Variants in KCNB2 observed in about 807,000 individuals in gnomAD.
KCNB2 encodes the protein delayed rectifier potassium channel protein.
Under a neutral mutation model 61.5 loss-of-function variants are expected in KCNB2, and 15 were observed. That is an observed-to-expected ratio of 0.24 (90% CI 0.16 to 0.38). The LOEUF is 0.38. KCNB2 is among the 10% of genes least tolerant of loss of function. The pLI, the probability that KCNB2 is intolerant of heterozygous loss-of-function variation, is 1.00. For missense variants in KCNB2, 828 were observed against 1,125.2 expected (o/e 0.74, Z 3.78); for synonymous variants, 457 against 446.0 (o/e 1.02, Z -0.31).
chr8:72,779,412 TG>T (rs763795781), intron 2 of KCNB2, among the ~76,000 whole-genome samples: 5 of 152,192 alleles, frequency 3.3e-5, no homozygotes, highest in Non-Finnish European at 7.3e-5. Flanking sequence ...TTGGGCAGAA[TG>T]TCCAGGCAGG....
At chr8:72,645,716 A>G (rs1563547717) in intron 2 of KCNB2, among the ~76,000 whole-genome samples, 1 of 152,154 alleles carries the variant, frequency 6.6e-6, no homozygotes, top group East Asian at 1.9e-4. Flanking sequence ...GCTTTTTTCC[A>G]GTCTTTAAGT....
At chr8:72,696,601 T>C (rs1055890010) in intron 2 of KCNB2, among the ~76,000 whole-genome samples, 4 of 152,092 alleles carry the variant, frequency 2.6e-5, no homozygotes, top group African/African-American at 9.7e-5. Context: ...AAAGGTATAG[T>C]GGAAGAACCC....
chr8:72,884,783 A>G (rs1373916115), intron 2 of KCNB2, among the ~76,000 whole-genome samples: 1 of 152,136 alleles, frequency 6.6e-6, no homozygotes, highest in Admixed American at 6.6e-5. Flanking sequence ...TTTTTAATCT[A>G]TCCCACACCA....
intron 2 of KCNB2, among the ~76,000 whole-genome samples, chr8:72,600,635 C>T (rs1807283116): frequency 6.6e-6 from 1 of 151,432 alleles, no homozygotes; most frequent in African/African-American, 2.4e-5. Context: ...GGTATGTATA[C>T]ACCATGGAAT....
chr8:72,582,322 G>T (rs866577981), intron 2 of KCNB2, among the ~76,000 whole-genome samples: 3 of 152,202 alleles, frequency 2.0e-5, no homozygotes, highest in Admixed American at 6.5e-5. Context: ...GCATTGGAAG[G>T]CATCCCATTT....
chr8:72,852,019 G>T (rs1299008116), intron 2 of KCNB2, among the ~76,000 whole-genome samples: 1 of 151,792 alleles, frequency 6.6e-6, no homozygotes, highest in Non-Finnish European at 1.5e-5. Context: ...GTGATCACTT[G>T]AGCCCAGGAA....
intron 2 of KCNB2, among the ~76,000 whole-genome samples, chr8:72,574,346 C>G (rs1563527438): frequency 6.6e-6 from 1 of 152,192 alleles, no homozygotes; most frequent in Non-Finnish European, 1.5e-5. Context: ...CATACCCCCA[C>G]ATCCCATTGT....
chr8:72,608,404 A>C (rs1485284131), intron 2 of KCNB2, among the ~76,000 whole-genome samples: 1 of 152,166 alleles, frequency 6.6e-6, no homozygotes, highest in Admixed American at 6.5e-5. Flanking sequence ...TATTTTTAAA[A>C]AATTACTCTA....
At chr8:72,548,887 G>A (rs986476869) in intron 1 of KCNB2, among the ~76,000 whole-genome samples, 3 of 152,102 alleles carry the variant, frequency 2.0e-5, no homozygotes, top group Non-Finnish European at 4.4e-5. Context: ...AATAGGCTTG[G>A]GTGGTTAGGT....
intron 1 of KCNB2, among the ~76,000 whole-genome samples, chr8:72,548,271 TG>T (rs1280844420): frequency 6.6e-6 from 1 of 152,212 alleles, no homozygotes; most frequent in Non-Finnish European, 1.5e-5. Flanking sequence ...CTCTGAGGTA[TG>T]CTTGTATAAT....
intron 2 of KCNB2, among the ~76,000 whole-genome samples, chr8:72,632,052 C>T (rs1022634140): frequency 2.6e-5 from 4 of 151,918 alleles, no homozygotes; most frequent in South Asian, 2.1e-4. Context: ...ATCTGGGCAA[C>T]ATGGCAAGAC....
At chr8:72,712,353 T>C (rs950963965) in intron 2 of KCNB2, among the ~76,000 whole-genome samples, 2 of 152,246 alleles carry the variant, frequency 1.3e-5, no homozygotes, top group Non-Finnish European at 2.9e-5. Context: ...CCTATTTCAC[T>C]GGAAGGTTTC....
At chr8:72,683,088 A>C (rs1025609078) in intron 2 of KCNB2, among the ~76,000 whole-genome samples, 1 of 152,204 alleles carries the variant, frequency 6.6e-6, no homozygotes, top group Non-Finnish European at 1.5e-5. Flanking sequence ...TAATAGGTGG[A>C]TCCTTCTGAA....
chr8:72,759,704 G>A (rs1808346534), intron 2 of KCNB2, among the ~76,000 whole-genome samples: 1 of 152,202 alleles, frequency 6.6e-6, no homozygotes, highest in Admixed American at 6.5e-5. Flanking sequence ...TAGAGATAGA[G>A]ATAGAGATAG....
At chr8:72,697,160 A>C (rs1807031013) in intron 2 of KCNB2, among the ~76,000 whole-genome samples, 4 of 152,178 alleles carry the variant, frequency 2.6e-5, no homozygotes, top group Admixed American at 2.6e-4. Flanking sequence ...TAAATGAACA[A>C]TTCTCTTTCC....
intron 2 of KCNB2, among the ~76,000 whole-genome samples, chr8:72,911,211 G>A (rs1806284626): frequency 6.6e-6 from 1 of 152,166 alleles, no homozygotes; most frequent in Admixed American, 6.5e-5. Context: ...CCATTTCAGG[G>A]TCTTCTCAAT....
chr8:72,560,741 A>G (rs1168522194), intron 1 of KCNB2, among the ~76,000 whole-genome samples: 2 of 152,320 alleles, frequency 1.3e-5, no homozygotes, highest in African/African-American at 4.8e-5. Context: ...AGCCATCACT[A>G]TACCTTGTAG....
At chr8:72,814,350 A>T (rs1809354823) in intron 2 of KCNB2, among the ~76,000 whole-genome samples, 1 of 152,170 alleles carries the variant, frequency 6.6e-6, no homozygotes, top group South Asian at 2.1e-4. Context: ...TTTAGGGTAT[A>T]TCCATAAAAA....
At chr8:72,667,671 C>T (rs1288035763) in intron 2 of KCNB2, among the ~76,000 whole-genome samples, 4 of 152,100 alleles carry the variant, frequency 2.6e-5, no homozygotes, top group Non-Finnish European at 5.9e-5. Flanking sequence ...TAACCTCCCT[C>T]ACCCCAGCCC....
Sources: gnomAD v4.1 joint callset for allele counts (sites outside exome capture counted in the v4.1 genomes callset) on GRCh38, gnomAD v4.1.1 for gene constraint, MANE v1.5 for transcripts, NCBI Gene and HGNC (gene_info 2026-07-23, HGNC 2026-07-21) for gene names.